PRKN: variants seen among roughly 807,000 people sequenced by gnomAD.
PRKN encodes the protein parkin RBR E3 ubiquitin protein ligase.
A neutral mutation model predicts 59.5 loss-of-function variants in PRKN; 56 were observed. The observed-to-expected ratio is 0.94, with a 90% confidence interval of 0.76 to 1.18. The LOEUF is 1.18. Ranked by LOEUF, PRKN falls within the 50% of genes most tolerant of loss-of-function variation. PRKN has a pLI of 0.00. For synonymous variants in PRKN, 250 were observed against 222.1 expected, an observed-to-expected ratio of 1.13 and a Z score of -1.12; for missense variants, 657 against 596.4, an observed-to-expected ratio of 1.10 and a Z score of -1.06.
chr6:162,134,749 A>T (rs1342272977), intron 4 of PRKN, among the ~76,000 whole-genome samples: 1 of 152,188 alleles, frequency 6.6e-6, no homozygotes, highest in East Asian at 1.9e-4. Context: ...GATTGGAAAA[A>T]GGTTTTGATG....
rs958922772 is a variant in PRKN at position 161,999,323 on chromosome 6, T to C, written c.619-25906A>G. On this transcript the variant is annotated intron_variant, in intron 5 of 11. Coordinates refer to ENST00000366898, the MANE Select transcript of PRKN (RefSeq NM_004562.3). ...CTGCAATTGATTTCAGGAAGTGAACTCCTCTTGTGCCCATCTGGACACTGG... is the reference window on the plus strand; with the variant it reads ...CTGCAATTGATTTCAGGAAGTGAACCCCTCTTGTGCCCATCTGGACACTGG... Among the ~76,000 whole-genome samples the C allele has an allele frequency of 8.5e-5, 13 of 152,190 alleles. No individual in the cohort carries two copies. In the East Asian group the frequency reaches 2.5e-3, roughly 29 times the overall value.
intron 2 of PRKN, among the ~76,000 whole-genome samples, chr6:162,416,054 T>C (rs1174265904): frequency 6.6e-6 from 1 of 152,104 alleles, no homozygotes; most frequent in Non-Finnish European, 1.5e-5. Flanking sequence ...TCTCAGTGGC[T>C]CCACTACTTT....
At chr6:161,984,915 T>C (rs544241582) in intron 5 of PRKN, among the ~76,000 whole-genome samples, 55 of 152,284 alleles carry the variant, frequency 3.6e-4, no homozygotes, top group African/African-American at 1.1e-3. Flanking sequence ...CAGCCCTCCC[T>C]GACCTCTGAC....
Position 161,866,436 on chromosome 6 carries a change from G to T in PRKN, c.735-80528C>A, listed in dbSNP as rs528371054. Among the ~76,000 whole-genome samples, 15 of 152,156 alleles carry T rather than the reference G, an allele frequency of 9.9e-5. No homozygotes were observed. In the South Asian group the frequency reaches 3.1e-3, roughly 32 times the overall value. On this transcript the variant is annotated intron_variant, in intron 6 of 11. Coordinates refer to ENST00000366898, the MANE Select transcript of PRKN (RefSeq NM_004562.3). ...TAAAAATACAAAAAATTAGCCGGGC[G>T]TGGTGGCGCATGCCTGTAGTCCCAG...
intron 6 of PRKN, among the ~76,000 whole-genome samples, chr6:161,788,362 A>G (rs976101542): frequency 2.0e-5 from 3 of 152,158 alleles, no homozygotes; most frequent in Admixed American, 6.5e-5. Context: ...TTAGAGGTCC[A>G]AGTCTTGGGG....
At chr6:161,854,587 A>G (rs1793568884) in intron 6 of PRKN, among the ~76,000 whole-genome samples, 1 of 152,164 alleles carries the variant, frequency 6.6e-6, no homozygotes, top group African/African-American at 2.4e-5. Flanking sequence ...GCACTTACAT[A>G]CAGTTATACA....
At chr6:162,472,209 CTT>C (rs10577864) in intron 1 of PRKN, among the ~76,000 whole-genome samples, 43,951 of 150,814 alleles carry the variant, frequency 0.29, 6,587 homozygotes, top group East Asian at 0.44. Flanking sequence ...CAAACTCAAA[CTT>C]TTTTTTTATA....
chr6:161,829,792 G>A (rs964010923), intron 6 of PRKN, among the ~76,000 whole-genome samples: 3 of 146,666 alleles, frequency 2.0e-5, no homozygotes, highest in African/African-American at 7.7e-5. Flanking sequence ...AGAGCTTCGG[G>A]AACCTGTGTA....
chr6:161,993,434 G>A (rs1781725801), intron 5 of PRKN, among the ~76,000 whole-genome samples: 1 of 152,262 alleles, frequency 6.6e-6, no homozygotes, highest in East Asian at 1.9e-4. Context: ...ATAATGAGTA[G>A]TGAGATTAAA....
At chr6:162,401,447 T>G (rs1787790792) in intron 2 of PRKN, among the ~76,000 whole-genome samples, 1 of 152,192 alleles carries the variant, frequency 6.6e-6, no homozygotes, top group African/African-American at 2.4e-5. Flanking sequence ...CTACTTTAAA[T>G]GTGTTCAGAA....
At position 161,928,802 on chromosome 6, in the gene PRKN, C is replaced by T. The variant is rs79666783; in HGVS notation, c.734+44500G>A. ...AAGTCCCAAGTGGCAGGGCTGAAAT[C>T]TGTTGATTTTTCAAAGCATCTTTCT... On this transcript the variant is annotated intron_variant, in intron 6 of 11. Transcript: ENST00000366898. Among the ~76,000 whole-genome samples the T allele has an allele frequency of 6.1e-3, 927 of 152,206 alleles. 19 individuals are homozygous for T. The highest frequency in any genetic ancestry group is 0.019 in the African/African-American group (806 of 41,530).
At chr6:161,600,940 A>C (rs1434417048) in intron 7 of PRKN, among the ~76,000 whole-genome samples, 1 of 152,166 alleles carries the variant, frequency 6.6e-6, no homozygotes, top group Non-Finnish European at 1.5e-5. Flanking sequence ...CTCCTATTAA[A>C]AAATTCATTA....
At chr6:161,938,635 T>C (rs1450943802) in intron 6 of PRKN, among the ~76,000 whole-genome samples, 1 of 152,204 alleles carries the variant, frequency 6.6e-6, no homozygotes, top group African/African-American at 2.4e-5. Context: ...TTGAAGGACG[T>C]TGAAACGAAA....
chr6:162,293,879 C>T (rs549603961), intron 2 of PRKN, among the ~76,000 whole-genome samples: 16 of 152,234 alleles, frequency 1.1e-4, no homozygotes, highest in East Asian at 1.9e-4. Context: ...GGGGTTTCAC[C>T]GTGTTAGCCA....
At chr6:162,440,551 G>T (rs925707241) in intron 2 of PRKN, among the ~76,000 whole-genome samples, 1 of 152,008 alleles carries the variant, frequency 6.6e-6, no homozygotes, top group Non-Finnish European at 1.5e-5. Flanking sequence ...TATTGACAGG[G>T]TCTTCTTTTA....
At chr6:162,377,820 T>C (rs113743517) in intron 2 of PRKN, among the ~76,000 whole-genome samples, 79 of 152,326 alleles carry the variant, frequency 5.2e-4, no homozygotes, top group South Asian at 1.0e-3. Flanking sequence ...GAGTTGACCA[T>C]TGGAGCTTGG....
intron 3 of PRKN, among the ~76,000 whole-genome samples, chr6:162,233,472 T>G (rs1778510940): frequency 6.6e-6 from 1 of 152,190 alleles, no homozygotes; most frequent in South Asian, 2.1e-4. Flanking sequence ...GATTAAAAAC[T>G]AATAGCCTCA....
chr6:161,831,750 T>C (rs1365625313), intron 6 of PRKN, among the ~76,000 whole-genome samples: 4 of 152,118 alleles, frequency 2.6e-5, no homozygotes, highest in African/African-American at 7.2e-5. Flanking sequence ...GCTGGCTTGG[T>C]ACCCTATTCA....
chr6:161,959,272 G>A (rs1441673786), intron 6 of PRKN, among the ~76,000 whole-genome samples: 1 of 152,042 alleles, frequency 6.6e-6, no homozygotes, highest in Non-Finnish European at 1.5e-5. Context: ...TGTCAGCATC[G>A]GCACCTGTCC....
Sources: gnomAD v4.1 joint callset for allele counts (sites outside exome capture counted in the v4.1 genomes callset) on GRCh38, gnomAD v4.1.1 for gene constraint, MANE v1.5 for transcripts, NCBI Gene and HGNC (gene_info 2026-07-23, HGNC 2026-07-21) for gene names.